Variants in PTP4A1 observed in about 807,000 individuals in gnomAD.
PTP4A1 encodes the protein protein tyrosine phosphatase type IVA 1.
A neutral mutation model predicts 20.5 loss-of-function variants in PTP4A1; 9 were observed. The observed-to-expected ratio is 0.44, with a 90% CI of 0.26 to 0.77. The LOEUF (loss-of-function observed/expected upper bound fraction) is 0.77. Among genes scored for constraint, PTP4A1 ranks in the 30% least tolerant of loss-of-function variants. The probability of loss-of-function intolerance (pLI) is 0.19; values close to 1 mark genes in which losing one functional copy is unlikely to be tolerated. For synonymous variants in PTP4A1, 78 were observed against 67.4 expected, an observed-to-expected ratio of 1.16 and a Z score of -0.77; for missense variants, 137 against 218.8, an observed-to-expected ratio of 0.63 and a Z score of 2.36.
At chr6:63,565,875 A>G (rs981477535) in intron 3 of PTP4A1, among the ~76,000 whole-genome samples, 6 of 152,258 alleles carry the variant, frequency 3.9e-5, no homozygotes, top group African/African-American at 1.4e-4. Context: ...TTTTTAATAT[A>G]GAGCATGTTT....
chr6:63,517,822 G>A (rs115142401), upstream of PTP4A1, among the ~76,000 whole-genome samples: 662 of 152,080 alleles, frequency 4.4e-3, 4 homozygotes, highest in African/African-American at 0.015. Flanking sequence ...CTCTACTAGC[G>A]CAACCCAATA....
At chr6:63,529,101 ATG>A (rs1562112326) in intron 2 of PTP4A1, among the ~76,000 whole-genome samples, 32 of 147,700 alleles carry the variant, frequency 2.2e-4, no homozygotes, top group African/African-American at 7.9e-4. Flanking sequence ...AAATATATAT[ATG>A]TGTGTATATA....
chr6:63,550,674 G>A (rs1328043309), intron 3 of PTP4A1, among the ~76,000 whole-genome samples: 1 of 152,132 alleles, frequency 6.6e-6, no homozygotes, highest in East Asian at 1.9e-4. Flanking sequence ...GCCCAGGCTG[G>A]AGTGCAGTGG....
chr6:63,547,540 C>G (rs1215904737), intron 2 of PTP4A1, among the ~76,000 whole-genome samples: 1 of 109,918 alleles, frequency 9.1e-6, no homozygotes, highest in Admixed American at 1.2e-4. Context: ...GAGTCTTGCT[C>G]TGTCGCCCAG....
chr6:63,551,084 G>C (rs1175120463), intron 3 of PTP4A1, among the ~76,000 whole-genome samples: 1 of 151,760 alleles, frequency 6.6e-6, no homozygotes, highest in Middle Eastern at 3.2e-3. Context: ...CTGTTGTTTT[G>C]AGATGGAGTC....
At chr6:63,524,657 C>T (rs1256868279) in intron 1 of PTP4A1, among the ~76,000 whole-genome samples, 1 of 152,156 alleles carries the variant, frequency 6.6e-6, no homozygotes, top group African/African-American at 2.4e-5. Flanking sequence ...CTCTGAGCTT[C>T]CTGGCAGCCA....
intron 2 of PTP4A1, among the ~76,000 whole-genome samples, chr6:63,530,519 A>C (rs945431618): frequency 2.0e-5 from 3 of 152,160 alleles, no homozygotes; most frequent in Admixed American, 2.0e-4. Context: ...TATTTACTGC[A>C]CAACTCCAGT....
chr6:63,523,262 T>A (rs993082553), intron 1 of PTP4A1, among the ~76,000 whole-genome samples: 1 of 152,144 alleles, frequency 6.6e-6, no homozygotes, highest in Non-Finnish European at 1.5e-5. Flanking sequence ...ATTATGTACT[T>A]TCTCAGGCAT....
intron 3 of PTP4A1, among the ~76,000 whole-genome samples, chr6:63,562,800 C>G (rs1282607984): frequency 2.6e-5 from 4 of 152,190 alleles, no homozygotes; most frequent in Admixed American, 2.6e-4. Context: ...TAGTGTCTTT[C>G]TCTAAGCATA....
chr6:63,534,114 A>T (rs1345197266), intron 2 of PTP4A1, among the ~76,000 whole-genome samples: 1 of 152,160 alleles, frequency 6.6e-6, no homozygotes, highest in Non-Finnish European at 1.5e-5. Flanking sequence ...AAGTACTGGG[A>T]TTACAGGCAT....
chr6:63,527,568 A>T (rs1775242915), intron 1 of PTP4A1, among the ~76,000 whole-genome samples: 1 of 152,194 alleles, frequency 6.6e-6, no homozygotes, highest in African/African-American at 2.4e-5. Context: ...TCACTTTTCT[A>T]GATCTGCATG....
intron 2 of PTP4A1, among the ~76,000 whole-genome samples, chr6:63,531,441 A>G (rs545299305): frequency 3.3e-5 from 5 of 152,222 alleles, no homozygotes; most frequent in East Asian, 1.9e-4. Context: ...CAAAATGCCT[A>G]CATAGACATC....
intron 2 of PTP4A1, among the ~76,000 whole-genome samples, chr6:63,541,087 GAATA>G (rs1775952883): frequency 6.6e-6 from 1 of 152,040 alleles, no homozygotes. Flanking sequence ...CTCACAGAAT[GAATA>G]GTGTGCCCTA....
At chr6:63,532,754 C>G (rs999092528) in intron 2 of PTP4A1, among the ~76,000 whole-genome samples, 2 of 152,020 alleles carry the variant, frequency 1.3e-5, no homozygotes, top group African/African-American at 2.4e-5. Flanking sequence ...TCCAAAAACA[C>G]ATGAGCATGT....
intron 5 of PTP4A1, 58 bp downstream of exon 5, chr6:63,579,389 G>A (rs1267435985): frequency 7.3e-7 from 1 of 1,365,564 alleles, no homozygotes; most frequent in Non-Finnish European, 1.0e-6. Flanking sequence ...TTGAGTGTCA[G>A]TGAGTTTAAT....
In PTP4A1 at chr6:63,580,227, GT is replaced by G; in HGVS notation, c.*55del. On this transcript the variant is annotated 3_prime_UTR_variant, in exon 6 of 6. Transcript: ENST00000626021. ...TGGAACTTGAGATAGGGCCTAATTT[GT>G]TATACATATTAGCCAACATGTTGGC... 4.4e-6 allele frequency: 6 copies of G among 1,357,264 alleles called. No homozygotes were observed. The highest frequency in any genetic ancestry group is 1.4e-5 in the African/African-American group (1 of 69,348). 84.1% of individuals were successfully genotyped at this position (1,357,264 alleles called of 1,614,324 possible).
intron 2 of PTP4A1, chr6:63,549,132 C>G: frequency 1.5e-6 from 1 of 687,414 alleles, no homozygotes; most frequent in Non-Finnish European, 2.6e-6. Flanking sequence ...GGGGATGCCC[C>G]CTTTGCCAGC....
upstream of PTP4A1, among the ~76,000 whole-genome samples, chr6:63,570,366 C>T (rs1344066794): frequency 6.6e-6 from 1 of 152,192 alleles, no homozygotes. Context: ...TCGTTTCTCT[C>T]AACAGCAAAA....
rs534580688 is a variant in PTP4A1 at position 63,581,508 on chromosome 6, T to G, written c.*1334T>G. ...TTATTTTGTAGAAGACAAAATGAAT[T>G]GCACTTCACTTAATGTGTGTCCTCA... On this transcript the variant is annotated 3_prime_UTR_variant, in exon 6 of 6. Coordinates refer to ENST00000626021, the MANE Select transcript of PTP4A1 (RefSeq NM_003463.5). 2.6e-5 allele frequency: 4 copies of G among 152,634 alleles called. No homozygotes were observed. Among genetic ancestry groups the G allele is most frequent in the South Asian group, 2.1e-4 (1 of 4,830 alleles). 9.5% of individuals were successfully genotyped at this position (152,634 alleles called of 1,614,324 possible).
Sources: allele counts gnomAD v4.1 joint callset (sites outside exome capture counted in the v4.1 genomes callset), GRCh38; gene constraint gnomAD v4.1.1; transcripts MANE v1.5; gene names NCBI Gene and HGNC (gene_info 2026-07-23, HGNC 2026-07-21).